Variants in RNF130 observed in about 807,000 individuals in gnomAD.
RNF130 encodes the protein ring finger protein 130, also known as E3 ubiquitin-protein ligase RNF130.
RNF130 carries 21 observed loss-of-function variants against 44.6 expected under a neutral mutation model. The ratio of observed to expected loss-of-function variants is 0.47; its 90% CI spans 0.33 to 0.68. The LOEUF (loss-of-function observed/expected upper bound fraction) is 0.68, where lower values mean the gene tolerates loss of function less well. RNF130 is among the 30% of genes least tolerant of loss of function. The probability of loss-of-function intolerance (pLI) is 0.02; values close to 1 mark genes in which losing one functional copy is unlikely to be tolerated. For missense variants in RNF130, 479 were observed against 560.6 expected (o/e 0.85, Z 1.47); for synonymous variants, 214 against 210.4 (o/e 1.02, Z -0.15).
At chr5:179,924,524 G>A (rs543662671) in intron 7 of RNF130, among the ~76,000 whole-genome samples, 34 of 151,668 alleles carry the variant, frequency 2.2e-4, no homozygotes, top group Non-Finnish European at 4.4e-4. Context: ...CAGGCTGGGC[G>A]CAGTGGCTCA....
At chr5:179,938,376 C>A (rs778157254) in intron 7 of RNF130, among the ~76,000 whole-genome samples, 1 of 151,672 alleles carries the variant, frequency 6.6e-6, no homozygotes, top group Non-Finnish European at 1.5e-5. Context: ...GGGGACAGGA[C>A]ACAGATTGGT....
intron 2 of RNF130, among the ~76,000 whole-genome samples, chr5:180,018,893 C>T (rs1763805211): frequency 6.6e-6 from 1 of 152,122 alleles, no homozygotes; most frequent in South Asian, 2.1e-4. Flanking sequence ...CGGGGCAAGC[C>T]CAGTGTAGCT....
chr5:179,980,388 A>AAAAGTGTT (rs1389521909), intron 3 of RNF130, 188 bp from the exon 4 acceptor site: 1 of 563,954 alleles, frequency 1.8e-6, no homozygotes, highest in South Asian at 2.2e-5. Context: ...TTGAAAAGTA[A>AAAAGTGTT]AAAGTGTTAG....
intron 1 of RNF130, among the ~76,000 whole-genome samples, chr5:180,050,502 C>T (rs1269671192): frequency 2.0e-5 from 3 of 152,220 alleles, no homozygotes; most frequent in Non-Finnish European, 4.4e-5. Flanking sequence ...GACCGAAACA[C>T]AAGAATTCTC....
intron 7 of RNF130, among the ~76,000 whole-genome samples, chr5:179,938,911 C>T (rs915023472): frequency 2.6e-5 from 4 of 152,086 alleles, no homozygotes; most frequent in Non-Finnish European, 5.9e-5. Flanking sequence ...TCTTGTCCTA[C>T]CACTAAAGAG....
intron 2 of RNF130, among the ~76,000 whole-genome samples, chr5:180,029,614 C>T (rs1764076898): frequency 6.6e-6 from 1 of 152,154 alleles, no homozygotes; most frequent in Non-Finnish European, 1.5e-5. Flanking sequence ...TTTTTTTAAA[C>T]AAATGGGTTT....
At chr5:180,014,253 C>G (rs1193264907) in intron 2 of RNF130, among the ~76,000 whole-genome samples, 2 of 152,184 alleles carry the variant, frequency 1.3e-5, no homozygotes, top group East Asian at 3.9e-4. Context: ...CTATGGACAG[C>G]AGGAAACTGC....
At chr5:179,985,605 A>G (rs1489496952) in intron 3 of RNF130, among the ~76,000 whole-genome samples, 1 of 152,178 alleles carries the variant, frequency 6.6e-6, no homozygotes, top group Middle Eastern at 3.2e-3. Flanking sequence ...TTCAGGGACA[A>G]AGCACTGATA....
At chr5:179,939,508 G>A (rs751873549) in intron 7 of RNF130, 6 of 228,856 alleles carry the variant, frequency 2.6e-5, no homozygotes, top group Middle Eastern at 1.7e-3. Flanking sequence ...TATGCTGGCC[G>A]TCTTCTCCCA....
At chr5:179,965,706 T>C (rs1208178968) in intron 7 of RNF130, among the ~76,000 whole-genome samples, 1 of 152,124 alleles carries the variant, frequency 6.6e-6, no homozygotes, top group African/African-American at 2.4e-5. Context: ...TGGTGAGAAA[T>C]GAGCCAAACT....
intron 2 of RNF130, among the ~76,000 whole-genome samples, chr5:180,019,068 T>C (rs992225153): frequency 3.9e-5 from 6 of 152,168 alleles, no homozygotes; most frequent in African/African-American, 1.2e-4. Context: ...CAGAACACCA[T>C]ATACTTTAAG....
intron 1 of RNF130, among the ~76,000 whole-genome samples, chr5:180,052,321 C>T (rs1241993380): frequency 6.6e-6 from 1 of 152,230 alleles, no homozygotes; most frequent in Non-Finnish European, 1.5e-5. Context: ...TCACATGTGA[C>T]GTCTTTCCAG....
At chr5:179,925,786 G>A (rs1299494490) in intron 7 of RNF130, among the ~76,000 whole-genome samples, 2 of 152,142 alleles carry the variant, frequency 1.3e-5, no homozygotes, top group African/African-American at 2.4e-5. Context: ...TCCCACCTTG[G>A]CCTCCTAAAG....
chr5:179,998,780 C>T (rs998494995), intron 3 of RNF130, among the ~76,000 whole-genome samples: 25 of 148,966 alleles, frequency 1.7e-4, no homozygotes, highest in African/African-American at 5.9e-4. Flanking sequence ...GATGATCTGT[C>T]TAATGCTAAG....
At chr5:179,974,692 G>C (rs138531604) in intron 5 of RNF130, among the ~76,000 whole-genome samples, 3 of 152,262 alleles carry the variant, frequency 2.0e-5, no homozygotes, top group African/African-American at 4.8e-5. Flanking sequence ...GGCAGTACTT[G>C]GAGGGCGATG....
intron 2 of RNF130, among the ~76,000 whole-genome samples, chr5:180,020,517 T>C (rs774073912): frequency 3.1e-4 from 47 of 152,156 alleles, no homozygotes; most frequent in Admixed American, 3.3e-4. Context: ...GGAAGCCGAA[T>C]GTGTAAGCCA....
intron 2 of RNF130, among the ~76,000 whole-genome samples, chr5:180,029,319 A>T (rs1764068499): frequency 6.6e-6 from 1 of 152,246 alleles, no homozygotes; most frequent in African/African-American, 2.4e-5. Context: ...GAAGTATTTC[A>T]ATAATGTTTT....
intron 2 of RNF130, among the ~76,000 whole-genome samples, chr5:180,020,748 C>T (rs1366838515): frequency 6.6e-6 from 1 of 152,126 alleles, no homozygotes; most frequent in East Asian, 1.9e-4. Context: ...GGAGCAAGCA[C>T]CTGCCCAGAA....
chr5:179,938,486 G>A (rs1278549614), intron 7 of RNF130, among the ~76,000 whole-genome samples: 1 of 151,998 alleles, frequency 6.6e-6, no homozygotes, highest in African/African-American at 2.4e-5. Context: ...GCTAGAGAGG[G>A]TAGTGGTTAC....
Sources: allele counts gnomAD v4.1 joint callset (sites outside exome capture counted in the v4.1 genomes callset), GRCh38; gene constraint gnomAD v4.1.1; transcripts MANE v1.5; gene names NCBI Gene and HGNC (gene_info 2026-07-23, HGNC 2026-07-21).